Variants in MINDY2 observed in about 807,000 individuals in gnomAD.
The protein encoded by MINDY2 is MINDY lysine 48 deubiquitinase 2.
A neutral mutation model predicts 68.2 loss-of-function variants in MINDY2; 52 were observed. The observed-to-expected ratio is 0.76, with a 90% CI of 0.61 to 0.96. The LOEUF (loss-of-function observed/expected upper bound fraction) is 0.96. MINDY2 is among the 40% of genes least tolerant of loss of function. The pLI is 0.00. For missense variants in MINDY2, 881 were observed against 773.4 expected (o/e 1.14, Z -1.65); for synonymous variants, 372 against 303.0 (o/e 1.23, Z -2.36).
chr15:58,830,514 A>G (rs185251300), intron 5 of MINDY2, among the ~76,000 whole-genome samples: 7 of 152,324 alleles, frequency 4.6e-5, no homozygotes, highest in Admixed American at 1.3e-4. Flanking sequence ...TAATGCAGAC[A>G]TTCCAAAATC....
At chr15:58,841,340 C>T (rs369836612) in intron 6 of MINDY2, among the ~76,000 whole-genome samples, 11 of 151,610 alleles carry the variant, frequency 7.3e-5, no homozygotes, top group Middle Eastern at 3.4e-3. Flanking sequence ...CAGTGGCTTA[C>T]GGCTATAATC....
At chr15:58,773,136 A>G (rs1025005217) in intron 1 of MINDY2, among the ~76,000 whole-genome samples, 4 of 38,030 alleles carry the variant, frequency 1.1e-4, no homozygotes, top group Non-Finnish European at 1.5e-4. Context: ...GTTTCCTAGG[A>G]AAAAAAAACA....
chr15:58,838,445 A>G (rs1206618031), intron 6 of MINDY2, among the ~76,000 whole-genome samples: 1 of 152,070 alleles, frequency 6.6e-6, no homozygotes, highest in Non-Finnish European at 1.5e-5. Flanking sequence ...TTTAACATCT[A>G]GATAGAATAC....
intron 5 of MINDY2, among the ~76,000 whole-genome samples, chr15:58,825,857 C>T (rs1416087592): frequency 6.6e-6 from 1 of 152,154 alleles, no homozygotes; most frequent in Non-Finnish European, 1.5e-5. Flanking sequence ...CCTCCCACCT[C>T]AGCCTCCCAA....
chr15:58,827,747 T>G (rs1392763026), intron 5 of MINDY2, among the ~76,000 whole-genome samples: 5 of 152,066 alleles, frequency 3.3e-5, no homozygotes, highest in African/African-American at 1.2e-4. Context: ...CCACCGTGCC[T>G]GGCCTATTCA....
At chr15:58,801,112 T>G (rs1376834712) in intron 2 of MINDY2, among the ~76,000 whole-genome samples, 4 of 152,142 alleles carry the variant, frequency 2.6e-5, no homozygotes, top group East Asian at 3.9e-4. Flanking sequence ...TAGTTGGGAC[T>G]ACAGGTGCAT....
chr15:58,842,234 C>T (rs1030548713), intron 6 of MINDY2, among the ~76,000 whole-genome samples: 34 of 151,962 alleles, frequency 2.2e-4, no homozygotes, highest in African/African-American at 8.2e-4. Flanking sequence ...TCAGTCCCAA[C>T]GTTTTTGAGG....
intron 6 of MINDY2, among the ~76,000 whole-genome samples, chr15:58,844,336 A>G (rs1196783185): frequency 6.6e-6 from 1 of 150,862 alleles, no homozygotes; most frequent in Non-Finnish European, 1.5e-5. Context: ...TCACAAGGTC[A>G]GGAGATTGAG....
rs534460957 is a variant in MINDY2, at chr15:58,844,682, C to T, written c.1369-2615C>T. Among the ~76,000 whole-genome samples the T allele has an allele frequency of 3.0e-4, 46 of 151,668 alleles. 1 individual carries two copies. The South Asian group carries it at 7.3e-3, about 24-fold the overall frequency. On this transcript the variant is annotated intron_variant, in intron 6 of 8. Coordinates refer to ENST00000559228, the MANE Select transcript of MINDY2 (RefSeq NM_001040450.3). ...CCTGTAATCCCAGCACTTTGGGAAG[C>T]TGAGGCGGTGGATCATCTGAGGTCA...
At chr15:58,802,170 C>T in intron 2 of MINDY2, 143 bp from the exon 3 acceptor site, 1 of 610,140 alleles carries the variant, frequency 1.6e-6, no homozygotes, top group Non-Finnish European at 2.9e-6. Flanking sequence ...CATTGATTTT[C>T]TCTGGGTAGG....
intron 1 of MINDY2, among the ~76,000 whole-genome samples, chr15:58,780,573 G>A (rs893637949): frequency 6.6e-6 from 1 of 152,172 alleles, no homozygotes; most frequent in African/African-American, 2.4e-5. Context: ...AAAACAGGGT[G>A]GGACAGCCAA....
At chr15:58,843,649 CA>C (rs2032383745) in intron 6 of MINDY2, among the ~76,000 whole-genome samples, 1 of 151,884 alleles carries the variant, frequency 6.6e-6, no homozygotes. Flanking sequence ...GCCTGACCAA[CA>C]CAGTGAAACC....
At position 58,861,279 on chromosome 15, in the gene MINDY2, G is replaced by A. The variant is rs2033211200; in HGVS notation, c.*6669G>A. 1 of 152,178 alleles carries A rather than the reference G, an allele frequency of 6.6e-6. No homozygotes were observed. Among genetic ancestry groups the A allele is most frequent in the Admixed American group, 6.5e-5 (1 of 15,278 alleles). 9.4% of individuals were successfully genotyped at this position (152,178 alleles called of 1,614,324 possible). A position where few individuals can be genotyped will look rare whatever the true frequency, so the allele number is the denominator to read the frequency against. ...TGGACTAATTGGGTCAATTTGCTGT[G>A]ACATATCAAAGATCTCTTTGTGCCA... On this transcript the variant is annotated 3_prime_UTR_variant, in exon 9 of 9. Coordinates refer to ENST00000559228, the MANE Select transcript of MINDY2 (RefSeq NM_001040450.3).
chr15:58,839,037 T>C (rs1026029603), intron 6 of MINDY2, among the ~76,000 whole-genome samples: 2 of 152,180 alleles, frequency 1.3e-5, no homozygotes, highest in African/African-American at 4.8e-5. Flanking sequence ...GTTTCTTTAC[T>C]GGTTGTACCA....
intron 3 of MINDY2, among the ~76,000 whole-genome samples, chr15:58,806,841 G>A (rs962873580): frequency 2.8e-4 from 43 of 152,178 alleles, no homozygotes; most frequent in African/African-American, 9.9e-4. Context: ...TAAGCTGGTT[G>A]TTTTTAAGCG....
In MINDY2 at chr15:58,791,222, T is replaced by TATATATATATATATAC. The variant is rs1567043727; in HGVS notation, c.898+3274_898+3275insCATATATATATATATA. 9.0e-4 allele frequency among the ~76,000 whole-genome samples: 17 copies of TATATATATATATATAC among 18,978 alleles called. No individual in the cohort carries two copies. In the South Asian group the frequency reaches 0.034, roughly 38 times the overall value. The allele number at this position is 18,978 out of a possible 152,430, so 12.5% of individuals were successfully genotyped here. On this transcript the variant is annotated intron_variant, in intron 2 of 8. Coordinates refer to ENST00000559228, the MANE Select transcript of MINDY2 (RefSeq NM_001040450.3). ...GCCATCAGGAAAGCAATTTTATATA[T>TATATATATATATATAC]ATATATATATATATATATATATATA...
rs1460367347 is a variant in MINDY2 at position 58,850,642 on chromosome 15, G to A, written c.1543-1129G>A. ...TCAGTCACCTAGGCTACAGTGCAAT[G>A]GTGTGATCACAGCTCACTGCAGCCT... On this transcript the variant is annotated intron_variant, in intron 7 of 8. Coordinates refer to ENST00000559228, the MANE Select transcript of MINDY2 (RefSeq NM_001040450.3). Among the ~76,000 whole-genome samples, 5 of 152,248 alleles carry A rather than the reference G, an allele frequency of 3.3e-5. No homozygotes were observed. In the East Asian group the frequency reaches 9.6e-4, roughly 29 times the overall value.
chr15:58,791,648 G>GTGTGTA (rs746175236), intron 2 of MINDY2, among the ~76,000 whole-genome samples: 3 of 150,380 alleles, frequency 2.0e-5, no homozygotes, highest in Non-Finnish European at 3.0e-5. Context: ...GTGTGTGTGT[G>GTGTGTA]TGTGTGTGTG....
chr15:58,833,289 C>T (rs542427922), intron 6 of MINDY2, among the ~76,000 whole-genome samples: 1 of 152,188 alleles, frequency 6.6e-6, no homozygotes, highest in Non-Finnish European at 1.5e-5. Context: ...TGATAACTCT[C>T]CATCCCATAC....
Sources: gnomAD v4.1 joint callset for allele counts (sites outside exome capture counted in the v4.1 genomes callset) on GRCh38, gnomAD v4.1.1 for gene constraint, MANE v1.5 for transcripts, NCBI Gene and HGNC (gene_info 2026-07-23, HGNC 2026-07-21) for gene names.